The following TSSK4 variants were observed in gnomAD, a reference collection of about 807,000 sequenced individuals.
The protein encoded by TSSK4 is testis specific serine kinase 4.
A neutral mutation model predicts 28.5 loss-of-function variants in TSSK4; 22 were observed. The observed-to-expected ratio is 0.77, with a 90% CI of 0.55 to 1.10. The LOEUF is 1.10. Among genes scored for constraint, TSSK4 ranks in the 50% least tolerant of loss-of-function variants. The pLI is 0.00. For missense variants in TSSK4, 329 were observed against 415.4 expected (o/e 0.79, Z 1.81); for synonymous variants, 151 against 158.3 (o/e 0.95, Z 0.35).
In TSSK4 at chr14:24,205,795, G is replaced by A. The variant is rs960256236; in HGVS notation, c.-129G>A. ...TGAGTCCAGCATCCCAGACTCGTGT[G>A]ACTATATAGGCAAGCATTTGGGGAC... On this transcript the variant is annotated 5_prime_UTR_variant, in exon 1 of 4. Coordinates refer to ENST00000339917, the MANE Select transcript of TSSK4 (RefSeq NM_001184739.2). The A allele has an allele frequency of 5.2e-5, 35 of 668,806 alleles. No homozygotes were observed. The African/African-American group carries it at 6.3e-4, about 12-fold the overall frequency. The allele number at this position is 668,806 out of a possible 1,614,324, so 41.4% of individuals were successfully genotyped here.
chr14:24,207,635 T>G, intron 3 of TSSK4, 126 bp downstream of exon 3: 4 of 1,132,286 alleles, frequency 3.5e-6, no homozygotes, highest in Non-Finnish European at 3.7e-6. Flanking sequence ...ACCAGAGCCA[T>G]CTCACACACT....
intron 2 of TSSK4, 106 bp downstream of exon 2, chr14:24,206,829 C>A: frequency 8.2e-7 from 1 of 1,224,432 alleles, no homozygotes; most frequent in Non-Finnish European, 1.2e-6. Flanking sequence ...TCCTCAATAT[C>A]TAGCCTATTC....
chr14:24,206,657 C>T lies in TSSK4; in HGVS notation c.374C>T (p.Ala125Val), dbSNP rs1269970027. ...TACGGGGCCTGCTCTGAGCCCCTTG[C>T]TGGCAAGTGGTTCTCCCAGCTGACC... ...QRYGACSEPLAGKWFSQLTLG... is the reference protein window; with the variant it reads ...QRYGACSEPLVGKWFSQLTLG... Residue 125 changes from alanine to valine, a missense_variant, in exon 2 of 4, where the codon GCT becomes GTT. Transcript: ENST00000339917. 6.2e-7 allele frequency: 1 copy of T among 1,614,108 alleles called. No homozygotes were observed. The highest frequency in any genetic ancestry group is 8.5e-7 in the Non-Finnish European group (1 of 1,180,044).
chr14:24,206,451 G>A, intron 1 of TSSK4, 58 bp from the exon 2 acceptor site: 1 of 1,572,368 alleles, frequency 6.4e-7, no homozygotes, highest in South Asian at 1.1e-5. Flanking sequence ...GGAGACGGCT[G>A]GGAGTGCAGT....
Position 24,208,086 on chromosome 14 carries a change from G to A in TSSK4, c.957G>A (p.Glu319=). ...EQPTHEIRLL[E]AMCQLHNTTK... ...CCACCCATGAGATCAGGCTGCTTGAGGCCATGTGCCAGCTCCACAACACCA... is the reference window on the plus strand; with the variant it reads ...CCACCCATGAGATCAGGCTGCTTGAAGCCATGTGCCAGCTCCACAACACCA... The change falls in exon 4 of 4, where the codon GAG becomes GAA. Residue 319 remains glutamate, a synonymous_variant. Transcript: ENST00000339917. 6.2e-7 allele frequency: 1 copy of A among 1,614,148 alleles called. No homozygotes were observed. Among genetic ancestry groups the A allele is most frequent in the Non-Finnish European group, 8.5e-7 (1 of 1,180,000 alleles).
At position 24,207,256 on chromosome 14, in the gene TSSK4, C is replaced by G; in HGVS notation, c.581C>G (p.Ser194Cys). 6.2e-7 allele frequency: 1 copy of G among 1,614,156 alleles called. No individual in the cohort carries two copies. The highest frequency in any genetic ancestry group is 2.2e-5 in the East Asian group (1 of 44,880). ...PSNQPVGCSP[S>C]YRQVNCFSHL... ...AACCAGCCTGTGGGTTGTAGCCCTTCTTACCGCCAAGTGAACTGCTTTTCC... is the reference window on the plus strand; with the variant it reads ...AACCAGCCTGTGGGTTGTAGCCCTTGTTACCGCCAAGTGAACTGCTTTTCC... The change falls in exon 3 of 4, where the codon TCT (serine) becomes TGT (cysteine). Residue 194 changes from serine to cysteine, a missense_variant. By Grantham distance (112) the Ser-to-Cys change is moderately radical (BLOSUM62 -1). Coordinates refer to ENST00000339917, the MANE Select transcript of TSSK4 (RefSeq NM_001184739.2).
intron 3 of TSSK4, 56 bp from the exon 4 acceptor site, chr14:24,207,908 C>T (rs776768400): frequency 1.9e-6 from 3 of 1,613,182 alleles, no homozygotes; most frequent in Admixed American, 1.7e-5. Flanking sequence ...CTGCTCATTG[C>T]CTGTGTGGCA....
At position 24,207,280 on chromosome 14, in the gene TSSK4, C is replaced by T. The variant is rs777695174; in HGVS notation, c.605C>T (p.Ser202Phe). Residue 202 changes from serine (S) to phenylalanine (F), a missense_variant, in exon 3 of 4, where the codon TCC (serine) becomes TTC (phenylalanine). Ser to Phe is a radical substitution (Grantham distance 155). Around this residue, in one of 3 missense-constraint regions of TSSK4, gnomAD observed 139 missense variants for 178.1 expected, o/e 0.78. Coordinates refer to ENST00000339917, the MANE Select transcript of TSSK4 (RefSeq NM_001184739.2). The stretch of plus-strand genomic sequence containing the variant: ...TCTTACCGCCAAGTGAACTGCTTTT[C>T]CCACCTCAGCCAGACTTACTGTGGC... ...SPSYRQVNCF[S>F]HLSQTYCGSF... is the part of the protein sequence containing the mutation. 1.2e-6 allele frequency: 2 copies of T among 1,614,150 alleles called. No individual in the cohort carries two copies. Among genetic ancestry groups the T allele is most frequent in the East Asian group, 4.5e-5 (2 of 44,880 alleles).
chr14:24,206,626 C>T lies in TSSK4; in HGVS notation c.343C>T (p.Gln115Ter), dbSNP rs769963080. Residue 115 changes from glutamine to a stop codon, truncating the protein, a stop_gained, in exon 2 of 4, where the codon CAG (glutamine) becomes TAG (stop). Coordinates refer to ENST00000339917, the MANE Select transcript of TSSK4 (RefSeq NM_001184739.2). LOFTEE classifies it high-confidence loss of function. ...GGGTGGTGATGTCCTTGAATGGATC[C>T]AGCGCTACGGGGCCTGCTCTGAGCC... ...AQGGDVLEWI[Q>*]RYGACSEPLA... The T allele has an allele frequency of 2.5e-6, 4 of 1,614,202 alleles. No individual in the cohort carries two copies. In the Admixed American group the frequency reaches 5.0e-5, roughly 20 times the overall value.
Position 24,207,262 on chromosome 14 carries a change from G to T in TSSK4, c.587G>T (p.Arg196Leu). The part of the protein sequence containing the change: ...NQPVGCSPSY[R>L]QVNCFSHLSQ... ...CCTGTGGGTTGTAGCCCTTCTTACCGCCAAGTGAACTGCTTTTCCCACCTC... is the reference window on the plus strand; with the variant it reads ...CCTGTGGGTTGTAGCCCTTCTTACCTCCAAGTGAACTGCTTTTCCCACCTC... Residue 196 changes from arginine to leucine, a missense_variant, in exon 3 of 4, where the codon CGC (arginine) becomes CTC (leucine). Arg to Leu is a moderately radical substitution (Grantham distance 102). This residue lies in a region of TSSK4 where 139 missense variants were observed against 178.1 expected (regional missense o/e 0.78). Coordinates refer to ENST00000339917, the MANE Select transcript of TSSK4 (RefSeq NM_001184739.2). 6.2e-7 allele frequency: 1 copy of T among 1,614,064 alleles called. No homozygotes were observed. Among genetic ancestry groups the T allele is most frequent in the Non-Finnish European group, 8.5e-7 (1 of 1,179,976 alleles).
intron 1 of TSSK4, 127 bp from the exon 2 acceptor site, chr14:24,206,382 G>A: frequency 9.3e-7 from 1 of 1,081,030 alleles, no homozygotes. Context: ...CAGGCCACCA[G>A]TTCTCTGGGG....
At chr14:24,207,087 C>T (rs1200538481) in intron 2 of TSSK4, 29 bp from the exon 3 acceptor site, 1 of 1,601,150 alleles carries the variant, frequency 6.2e-7, no homozygotes, top group South Asian at 1.1e-5. Context: ...CCCTTCAGCT[C>T]CCAGTCTAAA....
rs1325423448 is a variant in TSSK4, at chr14:24,205,985, A to G, written c.62A>G (p.Asp21Gly). 2.5e-6 allele frequency: 4 copies of G among 1,614,066 alleles called. No homozygotes were observed. The highest frequency in any genetic ancestry group is 1.7e-5 in the Admixed American group (1 of 60,010). The change falls in exon 1 of 4, where the codon GAT (aspartate) becomes GGT (glycine). Residue 21 changes from aspartate (D) to glycine (G), a missense_variant. This residue lies in a region of TSSK4 where 175 missense variants were observed against 196.0 expected (regional missense o/e 0.89). Transcript: ENST00000339917. ...PTTTAYHSLM[D>G]EYGYEVGKAI... is the part of the protein sequence containing the mutation. The stretch of plus-strand genomic sequence containing the variant: ...ACCACAGCCTACCATTCCCTCATGG[A>G]TGAATATGGTTATGAGGTGGGCAAG...
intron 2 of TSSK4, 163 bp from the exon 3 acceptor site, chr14:24,206,953 G>A: frequency 9.3e-7 from 1 of 1,074,246 alleles, no homozygotes; most frequent in Non-Finnish European, 1.4e-6. Context: ...ACCATCCTCT[G>A]TCTCTCTCCC....
chr14:24,206,759 C>T (rs1169179543), intron 2 of TSSK4, 36 bp downstream of exon 2: 1 of 1,606,910 alleles, frequency 6.2e-7, no homozygotes, highest in Non-Finnish European at 8.5e-7. Context: ...GGCCTTTGCC[C>T]TCAAGGGGGT....
At chr14:24,206,469 C>G (rs562899477) in intron 1 of TSSK4, 40 bp from the exon 2 acceptor site, 1 of 1,608,850 alleles carries the variant, frequency 6.2e-7, no homozygotes, top group East Asian at 2.2e-5. Flanking sequence ...AGTCAGGGTT[C>G]TCCCTTCCCA....
Position 24,206,705 on chromosome 14 carries a change from G to T in TSSK4, c.422G>T (p.Ser141Ile), listed in dbSNP as rs2039525058. 1.9e-6 allele frequency: 3 copies of T among 1,613,832 alleles called. No individual in the cohort carries two copies. The highest frequency in any genetic ancestry group is 2.5e-6 in the Non-Finnish European group (3 of 1,180,034). The change falls in exon 2 of 4, where the codon AGC (serine) becomes ATC (isoleucine). Residue 141 changes from serine to isoleucine, a missense_variant. Coordinates refer to ENST00000339917, the MANE Select transcript of TSSK4 (RefSeq NM_001184739.2). ...QLTLGIAYLH[S>I]KSIVHRLMPS... ...ACCCTGGGCATTGCCTACCTGCACA[G>T]CAAGAGCATCGTGCACCGGTGAGGG...
chr14:24,205,842 G>A lies in TSSK4; in HGVS notation c.-82G>A. Reference sequence around the variant, plus strand: ...GGACCTACTTCACTTTGATACCCTAGCCTTCAGCAGCTCAAGGTGTTGGCC... The same window carrying A: ...GGACCTACTTCACTTTGATACCCTAACCTTCAGCAGCTCAAGGTGTTGGCC... On this transcript the variant is annotated 5_prime_UTR_variant, in exon 1 of 4. Coordinates refer to ENST00000339917, the MANE Select transcript of TSSK4 (RefSeq NM_001184739.2). 1 of 1,073,184 alleles carries A rather than the reference G, an allele frequency of 9.3e-7. No homozygotes were observed. The allele number at this position is 1,073,184 out of a possible 1,614,324, so 66.5% of individuals were successfully genotyped here. A position where few individuals can be genotyped will look rare whatever the true frequency, so the allele number is the denominator to read the frequency against.
chr14:24,205,872 G>C lies in TSSK4; in HGVS notation c.-52G>C, dbSNP rs568650229. ...CAGCAGCTCAAGGTGTTGGCCTTTG[G>C]ATAGGAGGCTTCCAAGTAGTAAAGC... On this transcript the variant is annotated 5_prime_UTR_variant, in exon 1 of 4. Transcript: ENST00000339917. The C allele has an allele frequency of 4.0e-5, 59 of 1,467,860 alleles. 1 individual carries two copies. The South Asian group carries it at 6.5e-4, about 16-fold the overall frequency. The allele number at this position is 1,467,860 out of a possible 1,614,324, so 90.9% of individuals were successfully genotyped here.
Sources: gnomAD v4.1 joint callset for allele counts on GRCh38, gnomAD v4.1.1 for gene constraint, gnomAD v4.1.1 regional missense constraint, MANE v1.5 for transcripts, NCBI Gene and HGNC (gene_info 2026-07-23, HGNC 2026-07-21) for gene names.